NHSL1: variants seen among roughly 807,000 people sequenced by gnomAD.
The protein encoded by NHSL1 is NHS like 1.
Under a neutral mutation model 95.0 loss-of-function variants are expected in NHSL1, and 48 were observed. That is an observed-to-expected ratio of 0.51 (90% CI 0.40 to 0.64). The LOEUF (loss-of-function observed/expected upper bound fraction) is 0.64. Among genes scored for constraint, NHSL1 ranks in the 30% least tolerant of loss-of-function variants. NHSL1 has a pLI of 0.00. For synonymous variants in NHSL1, 783 were observed against 833.9 expected, an observed-to-expected ratio of 0.94 and a Z score of 1.05; for missense variants, 1,971 against 2,077.7, an observed-to-expected ratio of 0.95 and a Z score of 1.00.
At chr6:138,520,488 C>T (rs1781634569) in intron 1 of NHSL1, among the ~76,000 whole-genome samples, 1 of 151,968 alleles carries the variant, frequency 6.6e-6, no homozygotes, top group Admixed American at 6.6e-5. Context: ...TGGGGTTTCA[C>T]CATGTTGGCC....
chr6:138,546,269 A>G (rs1246167041), upstream of NHSL1, among the ~76,000 whole-genome samples: 1 of 151,992 alleles, frequency 6.6e-6, no homozygotes, highest in Admixed American at 6.6e-5. Flanking sequence ...AGCACAAAGT[A>G]AGTGCTATCA....
intron 1 of NHSL1, chr6:138,512,211 C>T: frequency 4.5e-6 from 2 of 445,836 alleles, no homozygotes; most frequent in South Asian, 1.6e-5. Flanking sequence ...AATGTTTATG[C>T]ACAATCATTT....
chr6:138,612,170 G>T (rs1562391460), intron 1 of NHSL1, among the ~76,000 whole-genome samples: 1 of 151,724 alleles, frequency 6.6e-6, no homozygotes, highest in Non-Finnish European at 1.5e-5. Context: ...TGATGGGAGG[G>T]TATATTAGTA....
intron 1 of NHSL1, among the ~76,000 whole-genome samples, chr6:138,648,658 T>C (rs577808631): frequency 1.3e-5 from 2 of 152,332 alleles, no homozygotes; most frequent in South Asian, 2.1e-4. Context: ...TCAGTTAAAG[T>C]CTCAGACTTA....
intron 1 of NHSL1, among the ~76,000 whole-genome samples, chr6:138,624,617 C>T (rs1784711318): frequency 6.6e-6 from 1 of 152,168 alleles, no homozygotes; most frequent in Non-Finnish European, 1.5e-5. Context: ...TAAGATCTCT[C>T]AGAAACCTTT....
At chr6:138,691,482 G>A (rs1228024577) in intron 1 of NHSL1, among the ~76,000 whole-genome samples, 2 of 152,078 alleles carry the variant, frequency 1.3e-5, no homozygotes. Context: ...CGAGCTATTC[G>A]AGATTGCATA....
chr6:138,579,096 C>T (rs1465891187), intron 1 of NHSL1, among the ~76,000 whole-genome samples: 1 of 152,206 alleles, frequency 6.6e-6, no homozygotes, highest in African/African-American at 2.4e-5. Flanking sequence ...AGGGTTCGCA[C>T]TCCTATGAGA....
intron 1 of NHSL1, among the ~76,000 whole-genome samples, chr6:138,567,271 G>A (rs976147444): frequency 1.1e-4 from 16 of 151,920 alleles, no homozygotes; most frequent in African/African-American, 3.9e-4. Context: ...GGAACTATAG[G>A]CACACACCAC....
chr6:138,625,628 G>A (rs1242521183), intron 1 of NHSL1, among the ~76,000 whole-genome samples: 1 of 131,926 alleles, frequency 7.6e-6, no homozygotes, highest in African/African-American at 3.1e-5. Flanking sequence ...ACTTGTTTTT[G>A]TGCTTTTTTA....
At position 138,432,066 on chromosome 6, in the gene NHSL1, C is replaced by T. The variant is rs1254337356; in HGVS notation, c.2279G>A (p.Cys760Tyr). ...GTCACTCTGCGATGGCGTGGCCCCG[C>T]ACAGGGAGTAGACATTGGGGGTGGT... ...SATTPNVYSL[C>Y]GATPSQSDTS... The change falls in exon 6 of 8, where the codon TGC becomes TAC. Residue 760 changes from cysteine (C) to tyrosine (Y), a missense_variant. Cys to Tyr is a radical substitution (Grantham distance 194). Coordinates refer to ENST00000343505, the MANE Select transcript of NHSL1 (RefSeq NM_001144060.2). This position sits in a 1 kb window ranked among gnomAD's most constrained non-coding sequence, Gnocchi z 4.4. 1.9e-6 allele frequency: 3 copies of T among 1,551,710 alleles called. No homozygotes were observed. In the Admixed American group the frequency reaches 5.9e-5, roughly 30 times the overall value.
At chr6:138,687,888 A>T (rs1050703414) in intron 1 of NHSL1, among the ~76,000 whole-genome samples, 2 of 152,204 alleles carry the variant, frequency 1.3e-5, no homozygotes, top group African/African-American at 4.8e-5. Context: ...GGGTGATAAA[A>T]ATGTTCTAAA....
chr6:138,559,892 T>A (rs1159203218), intron 1 of NHSL1, among the ~76,000 whole-genome samples: 1 of 152,246 alleles, frequency 6.6e-6, no homozygotes, highest in South Asian at 2.1e-4. Context: ...CATGCATATA[T>A]GCCATGTGTG....
At chr6:138,587,782 G>A (rs1200567625) in intron 1 of NHSL1, among the ~76,000 whole-genome samples, 1 of 152,232 alleles carries the variant, frequency 6.6e-6, no homozygotes, top group African/African-American at 2.4e-5. Context: ...AACATGCCAA[G>A]GTCAGTGGGT....
chr6:138,552,846 G>C (rs1051311294), intron 1 of NHSL1, among the ~76,000 whole-genome samples: 7 of 152,202 alleles, frequency 4.6e-5, no homozygotes, highest in Non-Finnish European at 7.3e-5. Context: ...ATGAGCAACA[G>C]TGCAGAAAGG....
At chr6:138,581,272 T>C (rs1784051259) in intron 1 of NHSL1, among the ~76,000 whole-genome samples, 1 of 152,228 alleles carries the variant, frequency 6.6e-6, no homozygotes, top group Non-Finnish European at 1.5e-5. Flanking sequence ...CTCGTACTTT[T>C]CAAATTTTCT....
chr6:138,498,236 T>G (rs1562328698), intron 1 of NHSL1, among the ~76,000 whole-genome samples: 1 of 152,214 alleles, frequency 6.6e-6, no homozygotes, highest in Non-Finnish European at 1.5e-5. Context: ...AAATGGAAAC[T>G]TTTCCTATTC....
chr6:138,510,438 T>C (rs1265975802), intron 1 of NHSL1, among the ~76,000 whole-genome samples: 1 of 152,230 alleles, frequency 6.6e-6, no homozygotes, highest in Admixed American at 6.5e-5. Context: ...ATGAGGATAA[T>C]ATTTTATTTG....
Position 138,491,749 on chromosome 6 carries a change from C to G in NHSL1, c.211+4470G>C, listed in dbSNP as rs192232363. Reference sequence around the variant, plus strand: ...TTAAATCTGGGTAAATGTTGAGTATCTCTTATCCGAAATGCTTGAGACCAG... The same window carrying G: ...TTAAATCTGGGTAAATGTTGAGTATGTCTTATCCGAAATGCTTGAGACCAG... On this transcript the variant is annotated intron_variant, in intron 2 of 7. Transcript: ENST00000343505. Among the ~76,000 whole-genome samples the G allele has an allele frequency of 3.3e-5, 5 of 152,262 alleles. No homozygotes were observed. The East Asian group carries it at 7.7e-4, about 23-fold the overall frequency.
At chr6:138,610,016 G>C (rs577271834) in intron 1 of NHSL1, among the ~76,000 whole-genome samples, 1 of 151,954 alleles carries the variant, frequency 6.6e-6, no homozygotes, top group Admixed American at 6.6e-5. Context: ...CAAGCCTGAG[G>C]GTTTACAGGA....
Sources: gnomAD v4.1 joint callset for allele counts (sites outside exome capture counted in the v4.1 genomes callset) on GRCh38, gnomAD v4.1.1 for gene constraint, Gnocchi (gnomAD v3.1) non-coding constraint, MANE v1.5 for transcripts, NCBI Gene and HGNC (gene_info 2026-07-23, HGNC 2026-07-21) for gene names.